Variants in CAMKMT observed in about 807,000 individuals in gnomAD.
CAMKMT encodes CaM KMT.
In CAMKMT, 53 loss-of-function variants were observed where a neutral mutation model predicts 48.0. The ratio of observed to expected loss-of-function variants is 1.10; its 90% CI spans 0.89 to 1.39. The LOEUF is 1.39. Ranked by LOEUF, CAMKMT falls within the 40% of genes most tolerant of loss-of-function variation. CAMKMT has a pLI of 0.00. For synonymous variants in CAMKMT, 165 were observed against 152.3 expected (o/e 1.08, Z -0.61); for missense variants, 428 against 402.7 (o/e 1.06, Z -0.54).
At chr2:44,736,579 C>G in intron 7 of CAMKMT, among the ~76,000 whole-genome samples, 1 of 152,110 alleles carries the variant, frequency 6.6e-6, no homozygotes, top group Non-Finnish European at 1.5e-5. Context: ...ATTTTTCAGC[C>G]ATTATTTCTT....
At chr2:44,731,271 G>A (rs375993893) in intron 7 of CAMKMT, among the ~76,000 whole-genome samples, 2 of 152,284 alleles carry the variant, frequency 1.3e-5, no homozygotes, top group African/African-American at 4.8e-5. Context: ...AACCCAGGGG[G>A]CAGAGGTTGC....
intron 1 of CAMKMT, 66 bp downstream of exon 1, chr2:44,362,211 G>T (rs1224519539): frequency 2.2e-6 from 3 of 1,342,490 alleles, no homozygotes; most frequent in African/African-American, 1.6e-5. Context: ...CCGGGGGAGC[G>T]ACTGTTCGCA....
At chr2:44,733,382 C>T (rs532081873) in intron 7 of CAMKMT, among the ~76,000 whole-genome samples, 4 of 152,228 alleles carry the variant, frequency 2.6e-5, no homozygotes, top group Admixed American at 6.5e-5. Context: ...GTACATTGAT[C>T]TTGTATCCCA....
chr2:44,593,308 C>T (rs1356582132), intron 3 of CAMKMT, among the ~76,000 whole-genome samples: 1 of 152,148 alleles, frequency 6.6e-6, no homozygotes, highest in East Asian at 1.9e-4. Context: ...TCTGATAGGT[C>T]TTTCCCTGGC....
At chr2:44,722,733 A>G (rs749951865) in intron 7 of CAMKMT, among the ~76,000 whole-genome samples, 2 of 152,280 alleles carry the variant, frequency 1.3e-5, no homozygotes, top group Non-Finnish European at 2.9e-5. Flanking sequence ...TTCATCTGAG[A>G]TGGTATATAA....
intron 10 of CAMKMT, among the ~76,000 whole-genome samples, chr2:44,771,195 T>C (rs757199342): frequency 1.3e-5 from 2 of 152,194 alleles, no homozygotes; most frequent in Non-Finnish European, 2.9e-5. Context: ...ATAAAGGAAT[T>C]GACTCCCTGT....
intron 2 of CAMKMT, among the ~76,000 whole-genome samples, chr2:44,388,110 A>G (rs775571917): frequency 6.6e-6 from 1 of 152,066 alleles, no homozygotes; most frequent in Non-Finnish European, 1.5e-5. Flanking sequence ...TCCCCCAAAT[A>G]TGTTTTCCAA....
At chr2:44,626,436 A>G (rs1443553459) in intron 3 of CAMKMT, among the ~76,000 whole-genome samples, 4 of 152,138 alleles carry the variant, frequency 2.6e-5, no homozygotes, top group African/African-American at 9.7e-5. Context: ...AAAGGATTTT[A>G]TAGAATATTT....
At position 44,615,770 on chromosome 2, in the gene CAMKMT, T is replaced by C. The variant is rs577748236; in HGVS notation, c.377-88513T>C. On this transcript the variant is annotated intron_variant, in intron 3 of 10. Coordinates refer to ENST00000378494, the MANE Select transcript of CAMKMT (RefSeq NM_024766.5). ...AATAGGATCTCCAGAATGAGAATAA[T>C]AGGGGGACCCATAGAGAGATGGCCT... is the stretch of plus-strand genomic sequence containing the variant. Among the ~76,000 whole-genome samples, 3 of 152,224 alleles carry C rather than the reference T, an allele frequency of 2.0e-5. No homozygotes were observed. The East Asian group carries it at 5.8e-4, about 29-fold the overall frequency.
rs184904030 is a variant in CAMKMT, at chr2:44,471,023, T to G, written c.376+80718T>G. Among the ~76,000 whole-genome samples, 885 of 149,656 alleles carry G rather than the reference T, an allele frequency of 5.9e-3. 15 individuals carry two copies. The highest frequency in any genetic ancestry group is 0.02 in the African/African-American group (830 of 40,500). Reference sequence around the variant, plus strand: ...TTTTTTTTTTTTTTTTTGAGACAGTTTCGCTCTCTCACCCAGGCTGGAGTG... The same window carrying G: ...TTTTTTTTTTTTTTTTTGAGACAGTGTCGCTCTCTCACCCAGGCTGGAGTG... On this transcript the variant is annotated intron_variant, in intron 3 of 10. Coordinates refer to ENST00000378494, the MANE Select transcript of CAMKMT (RefSeq NM_024766.5).
intron 3 of CAMKMT, among the ~76,000 whole-genome samples, chr2:44,466,840 A>G (rs549422169): frequency 1.3e-5 from 2 of 152,238 alleles, no homozygotes; most frequent in Non-Finnish European, 2.9e-5. Flanking sequence ...AACGGATGCC[A>G]CAGAACTGAA....
At chr2:44,517,715 A>G (rs369270843) in intron 3 of CAMKMT, among the ~76,000 whole-genome samples, 88 of 152,334 alleles carry the variant, frequency 5.8e-4, no homozygotes, top group South Asian at 3.1e-3. Context: ...TTTGACAGCC[A>G]TAAATATTTC....
intron 3 of CAMKMT, among the ~76,000 whole-genome samples, chr2:44,567,009 A>G (rs372246069): frequency 1.6e-4 from 24 of 152,284 alleles, no homozygotes; most frequent in African/African-American, 4.8e-4. Flanking sequence ...CAAATTCAGA[A>G]GCTTGGGGGA....
chr2:44,472,477 C>T (rs1428938905), intron 3 of CAMKMT, among the ~76,000 whole-genome samples: 3 of 152,144 alleles, frequency 2.0e-5, no homozygotes, highest in South Asian at 2.1e-4. Flanking sequence ...GTCTAAGGTT[C>T]GAACTTTTGC....
At chr2:44,684,559 A>G (rs1249853976) in intron 3 of CAMKMT, among the ~76,000 whole-genome samples, 1 of 152,034 alleles carries the variant, frequency 6.6e-6, no homozygotes, top group Non-Finnish European at 1.5e-5. Flanking sequence ...TCTAGGACTC[A>G]TTCCAGGCTC....
intron 3 of CAMKMT, among the ~76,000 whole-genome samples, chr2:44,461,870 T>C (rs958985886): frequency 1.3e-5 from 2 of 152,144 alleles, no homozygotes; most frequent in Non-Finnish European, 2.9e-5. Flanking sequence ...CCTACATCAT[T>C]TCTATAGCCT....
intron 3 of CAMKMT, among the ~76,000 whole-genome samples, chr2:44,496,744 T>G (rs1669768522): frequency 6.6e-6 from 1 of 152,218 alleles, no homozygotes; most frequent in Non-Finnish European, 1.5e-5. Flanking sequence ...GTTCCAGTTT[T>G]GGGCTTGGGA....
At chr2:44,765,164 G>A (rs143596589) in intron 9 of CAMKMT, among the ~76,000 whole-genome samples, 3,868 of 152,124 alleles carry the variant, frequency 0.025, 91 homozygotes, top group African/African-American at 0.056. Flanking sequence ...GGAGGCAGAG[G>A]TTCCAGTGAA....
intron 8 of CAMKMT, among the ~76,000 whole-genome samples, chr2:44,752,724 C>T (rs1225187250): frequency 1.3e-5 from 2 of 152,234 alleles, no homozygotes; most frequent in African/African-American, 4.8e-5. Context: ...CTGGTCTCTT[C>T]TGCCAAGATG....
Sources: gnomAD v4.1 joint callset for allele counts (sites outside exome capture counted in the v4.1 genomes callset) on GRCh38, gnomAD v4.1.1 for gene constraint, MANE v1.5 for transcripts, NCBI Gene and HGNC (gene_info 2026-07-23, HGNC 2026-07-21) for gene names.